SMCO1: variants seen among roughly 807,000 people sequenced by gnomAD.
The protein encoded by SMCO1 is single-pass membrane protein with coiled-coil domains 1.
SMCO1 carries 9 observed loss-of-function variants against 7.5 expected under a neutral mutation model. The ratio of observed to expected loss-of-function variants is 1.20; its 90% CI spans 0.72 to 2.09. The LOEUF is 2.09. Ranked by LOEUF, SMCO1 falls within the 30% of genes most tolerant of loss-of-function variation. SMCO1 has a pLI of 0.00. For synonymous variants in SMCO1, 90 were observed against 93.8 expected, an observed-to-expected ratio of 0.96 and a Z score of 0.23; for missense variants, 219 against 253.1, an observed-to-expected ratio of 0.87 and a Z score of 0.91.
rs549827297 is a variant in SMCO1 at position 196,509,468 on chromosome 3, G to A, written c.200+52C>T. On this transcript the variant is annotated intron_variant, in intron 2 of 2. Coordinates refer to ENST00000397537, the MANE Select transcript of SMCO1 (RefSeq NM_001077657.3). ...GAAATTCAATTTTGCAATGACCAGT[G>A]GAAGCTCTCACAAAGCCACAGAATC... 2.6e-6 allele frequency: 4 copies of A among 1,524,802 alleles called. No individual in the cohort carries two copies. The African/African-American group carries it at 4.1e-5, about 16-fold the overall frequency. 94.5% of individuals were successfully genotyped at this position (1,524,802 alleles called of 1,614,324 possible). A position where few individuals can be genotyped will look rare whatever the true frequency, so the allele number is the denominator to read the frequency against.
At chr3:196,515,516 T>A, upstream of SMCO1, 1 of 373,954 alleles carries the variant, frequency 2.7e-6, no homozygotes, top group Non-Finnish European at 4.9e-6. Flanking sequence ...TTAATGACTG[T>A]GTACATTATG....
chr3:196,511,649 CCTTAT>C (rs1733237527), intron 1 of SMCO1, among the ~76,000 whole-genome samples: 1 of 72,512 alleles, frequency 1.4e-5, no homozygotes. Context: ...CCTAGATTGT[CCTTAT>C]GAGGGAAACC....
In SMCO1 at chr3:196,515,252, A is replaced by G. The variant is rs772132974; in HGVS notation, c.-43T>C. The stretch of plus-strand genomic sequence containing the variant: ...AAAGAAAACAAAAACAAAGCAAAAC[A>G]AAAAAAGCAATAAATGTTTGAATCC... On this transcript the variant is annotated 5_prime_UTR_variant, in exon 1 of 3. Coordinates refer to ENST00000397537, the MANE Select transcript of SMCO1 (RefSeq NM_001077657.3). 1.4e-6 allele frequency: 2 copies of G among 1,476,024 alleles called. No individual in the cohort carries two copies. The highest frequency in any genetic ancestry group is 1.4e-5 in the African/African-American group (1 of 72,064). The allele number at this position is 1,476,024 out of a possible 1,614,324, so 91.4% of individuals were successfully genotyped here.
chr3:196,508,189 TCTTAA>T lies in SMCO1; in HGVS notation c.338_342del (p.Val113GlufsTer5). ...TCCCATACAACTCTAACGCGCTTGTTCTTAACTTTTCTTCTGAGTACAGAGGCTAA... is the reference window on the plus strand; with the variant it reads ...TCCCATACAACTCTAACGCGCTTGTTCTTTTCTTCTGAGTACAGAGGCTAA... On this transcript the variant is annotated frameshift_variant, in exon 3 of 3. Coordinates refer to ENST00000397537, the MANE Select transcript of SMCO1 (RefSeq NM_001077657.3). LOFTEE classifies it low-confidence loss of function (END_TRUNC). 6.2e-7 allele frequency: 1 copy of T among 1,614,178 alleles called. No homozygotes were observed. Among genetic ancestry groups the T allele is most frequent in the Non-Finnish European group, 8.5e-7 (1 of 1,180,042 alleles).
upstream of SMCO1, chr3:196,515,385 A>C (rs1189031101): frequency 3.2e-5 from 19 of 588,448 alleles, no homozygotes; most frequent in East Asian, 5.4e-4. Flanking sequence ...AATAGCCTGC[A>C]GATCCAAATA....
chr3:196,508,460 T>C, intron 2 of SMCO1, 129 bp from the exon 3 acceptor site: 1 of 710,382 alleles, frequency 1.4e-6, no homozygotes, highest in Non-Finnish European at 2.2e-6. Flanking sequence ...AGAAAATATT[T>C]ACTTTAGAAT....
intron 1 of SMCO1, among the ~76,000 whole-genome samples, chr3:196,512,928 T>C (rs1053133668): frequency 3.3e-5 from 5 of 152,234 alleles, no homozygotes; most frequent in African/African-American, 1.2e-4. Flanking sequence ...TGAAGAAATG[T>C]TGTCACTGCT....
At chr3:196,510,495 G>T (rs1271015249) in intron 1 of SMCO1, among the ~76,000 whole-genome samples, 2 of 152,118 alleles carry the variant, frequency 1.3e-5, no homozygotes, top group Non-Finnish European at 2.9e-5. Context: ...TCTTCCGCCA[G>T]TCCCCTCACC....
chr3:196,517,103 G>A (rs1472322792), upstream of SMCO1, among the ~76,000 whole-genome samples: 1 of 25,986 alleles, frequency 3.8e-5, no homozygotes, highest in African/African-American at 3.0e-4. Context: ...AGACTCCATC[G>A]CAAAAAAAAA....
chr3:196,517,384 GC>G (rs908145849), upstream of SMCO1, among the ~76,000 whole-genome samples: 4 of 152,040 alleles, frequency 2.6e-5, no homozygotes, highest in Non-Finnish European at 5.9e-5. Context: ...GGAACTTTCA[GC>G]CCCCACCCAC....
chr3:196,516,495 T>C (rs753938380), upstream of SMCO1, among the ~76,000 whole-genome samples: 15 of 152,174 alleles, frequency 9.9e-5, no homozygotes, highest in African/African-American at 1.4e-4. Flanking sequence ...AAAAGATTCA[T>C]ATAAGAAAAA....
upstream of SMCO1, among the ~76,000 whole-genome samples, chr3:196,515,889 C>T (rs1319089313): frequency 2.0e-5 from 3 of 149,182 alleles, no homozygotes; most frequent in East Asian, 6.0e-4. Context: ...GTCCCAGCTA[C>T]TCAAGAGGCT....
At chr3:196,510,252 G>A (rs1358607968) in intron 1 of SMCO1, among the ~76,000 whole-genome samples, 3 of 152,194 alleles carry the variant, frequency 2.0e-5, no homozygotes, top group Non-Finnish European at 4.4e-5. Flanking sequence ...ACAGCCATGA[G>A]CCACCATGCC....
chr3:196,512,509 C>CTTTTTTTTTTTTTTTTTT, intron 1 of SMCO1, among the ~76,000 whole-genome samples: 1 of 114,022 alleles, frequency 8.8e-6, no homozygotes, highest in Non-Finnish European at 1.7e-5. Flanking sequence ...TATTTCCTTT[C>CTTTTTTTTTTTTTTTTTT]TTTTTTTTTT....
chr3:196,517,400 C>A (rs9822991), upstream of SMCO1, among the ~76,000 whole-genome samples: 183 of 152,160 alleles, frequency 1.2e-3, no homozygotes, highest in African/African-American at 4.3e-3. Context: ...ACCCACCAAC[C>A]TCTAGGAAAT....
Position 196,507,321 on chromosome 3 carries a change from C to A in SMCO1, c.*566G>T, listed in dbSNP as rs1733071517. 1 of 152,148 alleles carries A rather than the reference C, an allele frequency of 6.6e-6. No homozygotes were observed. Among genetic ancestry groups the A allele is most frequent in the African/African-American group, 2.4e-5 (1 of 41,400 alleles). The allele number at this position is 152,148 out of a possible 1,614,324, so 9.4% of individuals were successfully genotyped here. On this transcript the variant is annotated 3_prime_UTR_variant, in exon 3 of 3. Transcript: ENST00000397537. ...TGTGTTGCCCAGGCTGGTCTGAAAC[C>A]CCTGAGCTCAAGTGATCCTCCTACC...
At chr3:196,508,999 T>G (rs1733137535) in intron 2 of SMCO1, among the ~76,000 whole-genome samples, 1 of 150,968 alleles carries the variant, frequency 6.6e-6, no homozygotes, top group African/African-American at 2.4e-5. Flanking sequence ...CAAGAGACTT[T>G]GTGATGAGAT....
chr3:196,511,721 G>T (rs1445542807), intron 1 of SMCO1, among the ~76,000 whole-genome samples: 6 of 74,166 alleles, frequency 8.1e-5, no homozygotes, highest in Admixed American at 3.9e-4. Context: ...CGCCTAGATT[G>T]TCCTTATGAG....
chr3:196,511,416 A>G (rs111987049), intron 1 of SMCO1, among the ~76,000 whole-genome samples: 7,311 of 75,988 alleles, frequency 0.096, 737 homozygotes, highest in African/African-American at 0.35. Context: ...TGCCTGGGCC[A>G]CCTAGATTGT....
Sources: allele counts gnomAD v4.1 joint callset (sites outside exome capture counted in the v4.1 genomes callset), GRCh38; gene constraint gnomAD v4.1.1; transcripts MANE v1.5; gene names NCBI Gene and HGNC (gene_info 2026-07-23, HGNC 2026-07-21).